Variants in MRPS27 observed in about 807,000 individuals in gnomAD.
MRPS27 encodes the protein small ribosomal subunit protein mS27.
In MRPS27, 43 loss-of-function variants were observed where a neutral mutation model predicts 48.9. The observed-to-expected ratio is 0.88, with a 90% CI of 0.69 to 1.13. The LOEUF is 1.13. MRPS27 is among the 50% of genes most tolerant of loss of function. The pLI, the probability that MRPS27 is intolerant of heterozygous loss-of-function variation, is 0.00. For synonymous variants in MRPS27, 188 were observed against 171.9 expected, an observed-to-expected ratio of 1.09 and a Z score of -0.73; for missense variants, 467 against 476.3, an observed-to-expected ratio of 0.98 and a Z score of 0.18.
At chr5:72,236,530 A>AACAGTTCAGTT (rs1276950504) in intron 5 of MRPS27, among the ~76,000 whole-genome samples, 2 of 152,152 alleles carry the variant, frequency 1.3e-5, no homozygotes, top group African/African-American at 4.8e-5. Flanking sequence ...GTAATCTGTG[A>AACAGTTCAGTT]CATTACACTC....
intron 4 of MRPS27, among the ~76,000 whole-genome samples, chr5:72,277,476 T>C (rs552614516): frequency 1.3e-3 from 199 of 151,956 alleles, no homozygotes; most frequent in African/African-American, 4.7e-3. Context: ...TGGTGGCGCA[T>C]GTCTGTAATC....
chr5:72,238,289 C>T (rs556172910), intron 4 of MRPS27, among the ~76,000 whole-genome samples, 161 bp from the exon 5 acceptor site: 6 of 152,146 alleles, frequency 3.9e-5, no homozygotes, highest in African/African-American at 1.4e-4. Context: ...ACTTATTAAC[C>T]ACAAAGTCTG....
chr5:72,264,612 A>G lies in MRPS27; in HGVS notation c.282-26484T>C, dbSNP rs562681593. Among the ~76,000 whole-genome samples the G allele has an allele frequency of 2.6e-5, 4 of 152,300 alleles. No homozygotes were observed. In the East Asian group the frequency reaches 7.7e-4, roughly 29 times the overall value. On this transcript the variant is annotated intron_variant, in intron 4 of 10. Transcript: ENST00000261413. ...ACAATTGACATCCTTAGAGGAAGAG[A>G]AGAGGCACACACATGTGCACACAGA...
At chr5:72,310,538 T>C (rs927149081) in intron 2 of MRPS27, among the ~76,000 whole-genome samples, 5 of 152,208 alleles carry the variant, frequency 3.3e-5, no homozygotes, top group Non-Finnish European at 5.9e-5. Context: ...TTAAACATAA[T>C]GCATGATAAT....
intron 4 of MRPS27, among the ~76,000 whole-genome samples, chr5:72,247,365 T>G (rs1429357863): frequency 6.6e-6 from 1 of 152,182 alleles, no homozygotes; most frequent in Non-Finnish European, 1.5e-5. Flanking sequence ...ATATACAAGT[T>G]TCTATTAAAC....
chr5:72,241,591 T>C, intron 4 of MRPS27: 1 of 1,484,734 alleles, frequency 6.7e-7, no homozygotes, highest in Non-Finnish European at 9.1e-7. Context: ...TGTGGGGACT[T>C]TTCAACTTCC....
intron 5 of MRPS27, among the ~76,000 whole-genome samples, chr5:72,235,121 G>C (rs754150712): frequency 6.6e-6 from 1 of 152,080 alleles, no homozygotes; most frequent in Non-Finnish European, 1.5e-5. Flanking sequence ...GTAGCCTCAG[G>C]TGTGCCGAAA....
chr5:72,266,985 G>A (rs1749121494), intron 4 of MRPS27, among the ~76,000 whole-genome samples: 1 of 152,154 alleles, frequency 6.6e-6, no homozygotes, highest in South Asian at 2.1e-4. Flanking sequence ...GTGAGGCTCA[G>A]GGCTTCAGAG....
intron 4 of MRPS27, among the ~76,000 whole-genome samples, chr5:72,287,824 T>C (rs1002952952): frequency 1.3e-5 from 2 of 152,252 alleles, no homozygotes; most frequent in African/African-American, 4.8e-5. Flanking sequence ...ATAAATGGTA[T>C]AATCACTTCA....
intron 2 of MRPS27, among the ~76,000 whole-genome samples, chr5:72,304,712 A>G (rs1002210881): frequency 6.6e-6 from 1 of 152,248 alleles, no homozygotes; most frequent in African/African-American, 2.4e-5. Flanking sequence ...CTCTTAAAAA[A>G]GAGTGTGGTC....
At chr5:72,292,854 G>A (rs571207712) in intron 4 of MRPS27, among the ~76,000 whole-genome samples, 2 of 152,266 alleles carry the variant, frequency 1.3e-5, no homozygotes, top group East Asian at 1.9e-4. Context: ...CTTAAGGACT[G>A]AGAAATCCTA....
intron 4 of MRPS27, among the ~76,000 whole-genome samples, chr5:72,250,359 A>G (rs1057051027): frequency 1.5e-4 from 23 of 152,180 alleles, no homozygotes; most frequent in African/African-American, 4.8e-4. Context: ...TTCAAGGTGC[A>G]TGACTTTTTG....
intron 4 of MRPS27, among the ~76,000 whole-genome samples, chr5:72,273,925 T>G (rs1009601333): frequency 1.4e-4 from 22 of 152,252 alleles, no homozygotes; most frequent in Non-Finnish European, 2.9e-4. Flanking sequence ...TTGACTTTTC[T>G]GTAGTAACAC....
At chr5:72,307,314 T>C (rs563909269) in intron 2 of MRPS27, among the ~76,000 whole-genome samples, 49 of 152,142 alleles carry the variant, frequency 3.2e-4, no homozygotes, top group Middle Eastern at 3.4e-3. Flanking sequence ...ATCGTGCCAT[T>C]GCACTCCAAC....
chr5:72,313,562 T>C (rs1164639049), intron 2 of MRPS27, among the ~76,000 whole-genome samples: 1 of 152,126 alleles, frequency 6.6e-6, no homozygotes, highest in Admixed American at 6.6e-5. Flanking sequence ...TAATATGACA[T>C]AGGGAACAGG....
chr5:72,269,424 G>A (rs1022470145), intron 4 of MRPS27, among the ~76,000 whole-genome samples: 1 of 152,188 alleles, frequency 6.6e-6, no homozygotes, highest in Non-Finnish European at 1.5e-5. Flanking sequence ...TAATGAGGCT[G>A]TTAAACATAG....
chr5:72,320,141 C>A lies in MRPS27; in HGVS notation c.73+8G>T. The A allele has an allele frequency of 6.2e-7, 1 of 1,613,532 alleles. No individual in the cohort carries two copies. Among genetic ancestry groups the A allele is most frequent in the Non-Finnish European group, 8.5e-7 (1 of 1,179,500 alleles). ...TAATCAGGGGCCTAATGAAGCTGTC[C>A]GGCCAACCTGCAGGAGAGAGCTGAG... On this transcript the variant is annotated splice_region_variant and intron_variant, in intron 1 of 10. Transcript: ENST00000261413.
chr5:72,240,296 A>C (rs1436607627), intron 4 of MRPS27, among the ~76,000 whole-genome samples: 1 of 152,214 alleles, frequency 6.6e-6, no homozygotes, highest in Non-Finnish European at 1.5e-5. Flanking sequence ...TTTAATAATA[A>C]TACGAGGTGG....
At chr5:72,317,323 G>A (rs1265671944) in intron 1 of MRPS27, among the ~76,000 whole-genome samples, 3 of 152,094 alleles carry the variant, frequency 2.0e-5, no homozygotes, top group African/African-American at 4.8e-5. Flanking sequence ...TTCCAAAGAC[G>A]CTTTCAAAAG....
Sources: allele counts gnomAD v4.1 joint callset (sites outside exome capture counted in the v4.1 genomes callset), GRCh38; gene constraint gnomAD v4.1.1; transcripts MANE v1.5; gene names NCBI Gene and HGNC (gene_info 2026-07-23, HGNC 2026-07-21).